Variants in DGKB observed in about 807,000 individuals in gnomAD.
DGKB encodes diacylglycerol kinase beta.
DGKB carries 67 observed loss-of-function variants against 114.3 expected under a neutral mutation model. The observed-to-expected ratio is 0.59, with a 90% CI of 0.48 to 0.72. The LOEUF (loss-of-function observed/expected upper bound fraction) is 0.72. Ranked by LOEUF, DGKB falls within the 30% of genes least tolerant of loss-of-function variation. The probability of loss-of-function intolerance (pLI) is 0.00; values close to 1 mark genes in which losing one functional copy is unlikely to be tolerated. For synonymous variants in DGKB, 398 were observed against 323.1 expected, an observed-to-expected ratio of 1.23 and a Z score of -2.49; for missense variants, 907 against 975.2, an observed-to-expected ratio of 0.93 and a Z score of 0.93.
chr7:14,270,345 C>G (rs1798106007), intron 23 of DGKB, among the ~76,000 whole-genome samples: 1 of 152,282 alleles, frequency 6.6e-6, no homozygotes, highest in South Asian at 2.1e-4. Context: ...GGCATATGAA[C>G]CTTCTTAGCC....
chr7:14,168,280 A>C (rs112233369), intron 25 of DGKB, among the ~76,000 whole-genome samples: 5,983 of 152,316 alleles, frequency 0.039, 148 homozygotes, highest in African/African-American at 0.057. Context: ...AAAATATAGA[A>C]GGAAATAAAA....
intron 4 of DGKB, among the ~76,000 whole-genome samples, chr7:14,743,801 C>A (rs1378865754): frequency 1.3e-5 from 2 of 151,920 alleles, no homozygotes; most frequent in African/African-American, 2.4e-5. Flanking sequence ...CTGTAACTAC[C>A]CTGGTCATTT....
rs1384066881 is a variant in DGKB, at chr7:14,345,321, G to A, written c.1906C>T (p.His636Tyr). ...ETFSATCKKL[H>Y]ESVEIECDGV... ...CTTACTTCTATTTCTACAGATTCAT[G>A]TAGCTTCTTGCAGGTGGCTGAGAAA... is the stretch of plus-strand genomic sequence containing the variant. The change falls in exon 22 of 26, where the codon CAT becomes TAT. Residue 636 changes from histidine to tyrosine, a missense_variant. Physicochemically the swap from His to Tyr is moderately conservative, Grantham distance 83. Coordinates refer to ENST00000402815, the MANE Select transcript of DGKB (RefSeq NM_001350709.2). The A allele has an allele frequency of 3.9e-6, 6 of 1,541,124 alleles. No individual in the cohort carries two copies. The Admixed American group carries it at 1.2e-4, about 30-fold the overall frequency.
intron 8 of DGKB, 57 bp from the exon 9 acceptor site, chr7:14,694,251 G>A: frequency 6.9e-7 from 1 of 1,453,604 alleles, no homozygotes; most frequent in Non-Finnish European, 9.4e-7. Context: ...AAATTTCATA[G>A]GCTACAACAT....
chr7:14,401,813 C>CATTGAAAGG (rs1274575077), intron 21 of DGKB, among the ~76,000 whole-genome samples: 5 of 151,544 alleles, frequency 3.3e-5, no homozygotes, highest in African/African-American at 9.7e-5. Flanking sequence ...CAATGGCAGT[C>CATTGAAAGG]AAATATGAAA....
rs187868266 is a variant in DGKB at position 14,596,696 on chromosome 7, G to C, written c.1433+10738C>G. Among the ~76,000 whole-genome samples the C allele has an allele frequency of 2.9e-3, 436 of 152,272 alleles. 13 individuals carry two copies. The highest frequency in any genetic ancestry group is 0.024 in the Admixed American group (370 of 15,290). ...GTGTGATGAAAAAGGAGTTGGAATG[G>C]AGACAAAAGTCTTTTTTGTTTTTTA... On this transcript the variant is annotated intron_variant, in intron 17 of 25. Coordinates refer to ENST00000402815, the MANE Select transcript of DGKB (RefSeq NM_001350709.2).
chr7:14,735,311 C>T (rs988073894), intron 5 of DGKB, among the ~76,000 whole-genome samples: 11 of 152,144 alleles, frequency 7.2e-5, no homozygotes, highest in Non-Finnish European at 1.6e-4. Context: ...CATCCTAGCT[C>T]CAAGGAATCC....
At chr7:14,528,308 A>G (rs904892682) in intron 20 of DGKB, among the ~76,000 whole-genome samples, 2 of 152,060 alleles carry the variant, frequency 1.3e-5, no homozygotes, top group East Asian at 1.9e-4. Context: ...TCTATAACTG[A>G]GTCATGAATC....
intron 21 of DGKB, among the ~76,000 whole-genome samples, chr7:14,425,482 A>G (rs915545164): frequency 1.3e-5 from 2 of 152,136 alleles, no homozygotes; most frequent in Admixed American, 6.6e-5. Context: ...GAAATCAAAT[A>G]TAATCCTGAC....
intron 23 of DGKB, among the ~76,000 whole-genome samples, chr7:14,330,288 C>T (rs951234052): frequency 1.3e-5 from 2 of 151,880 alleles, no homozygotes; most frequent in African/African-American, 4.8e-5. Context: ...CAAAATGCGA[C>T]TGGTACTAAA....
intron 23 of DGKB, among the ~76,000 whole-genome samples, chr7:14,222,067 T>G (rs1424748336): frequency 6.6e-6 from 1 of 151,284 alleles, no homozygotes; most frequent in Non-Finnish European, 1.5e-5. Context: ...AGCTAAAGGT[T>G]TGTTAATTTC....
chr7:14,301,648 T>C (rs1005118949), intron 23 of DGKB, among the ~76,000 whole-genome samples: 35 of 152,150 alleles, frequency 2.3e-4, no homozygotes, highest in African/African-American at 8.4e-4. Context: ...TACATATACA[T>C]CTCCAGATGC....
chr7:14,346,125 A>G (rs1416017616), intron 21 of DGKB, among the ~76,000 whole-genome samples: 1 of 151,774 alleles, frequency 6.6e-6, no homozygotes, highest in Non-Finnish European at 1.5e-5. Flanking sequence ...GAAATGAAAC[A>G]AAGAAGTTTT....
chr7:14,856,651 TTCATTGTGTGTGTGTATA>T (rs1850192580), intron 1 of DGKB, among the ~76,000 whole-genome samples: 1 of 148,768 alleles, frequency 6.7e-6, no homozygotes, highest in Non-Finnish European at 1.5e-5. Flanking sequence ...AGTAAAAGTA[TTCATTGTGTGTGTGTATA>T]TATATATAAA....
chr7:14,648,640 A>T (rs1813708546), intron 13 of DGKB, among the ~76,000 whole-genome samples: 1 of 152,132 alleles, frequency 6.6e-6, no homozygotes. Context: ...ACAAAGCTGG[A>T]TGGAGAATGA....
chr7:14,537,055 C>A (rs73287760), intron 20 of DGKB, among the ~76,000 whole-genome samples: 21,029 of 151,694 alleles, frequency 0.14, 2,438 homozygotes, highest in East Asian at 0.52. Flanking sequence ...TCAGAAATAC[C>A]GTCCCATTTA....
chr7:14,457,173 A>C (rs2128858579), intron 21 of DGKB, among the ~76,000 whole-genome samples: 1 of 152,302 alleles, frequency 6.6e-6, no homozygotes, highest in Non-Finnish European at 1.5e-5. Flanking sequence ...GCCGCATGTT[A>C]AAATAATATG....
chr7:14,553,288 A>T (rs1180313480), intron 20 of DGKB, among the ~76,000 whole-genome samples: 1 of 152,202 alleles, frequency 6.6e-6, no homozygotes. Flanking sequence ...TTTGAAATTC[A>T]CTTGTTTATT....
At chr7:14,586,368 G>C (rs1196735227) in intron 17 of DGKB, among the ~76,000 whole-genome samples, 1 of 40,040 alleles carries the variant, frequency 2.5e-5, no homozygotes, top group East Asian at 4.1e-4. Context: ...TTGTATGAAG[G>C]CTGAGAGATG....
Sources: allele counts gnomAD v4.1 joint callset (sites outside exome capture counted in the v4.1 genomes callset), GRCh38; gene constraint gnomAD v4.1.1; transcripts MANE v1.5; gene names NCBI Gene and HGNC (gene_info 2026-07-23, HGNC 2026-07-21).